Variants in BBOX1 observed in about 807,000 individuals in gnomAD.
The protein encoded by BBOX1 is gamma-butyrobetaine dioxygenase.
Under a neutral mutation model 41.6 loss-of-function variants are expected in BBOX1, and 35 were observed. That is an observed-to-expected ratio of 0.84 (90% confidence interval 0.64 to 1.11). The LOEUF is 1.11. BBOX1 is among the 50% of genes most tolerant of loss of function. The pLI, the probability that BBOX1 is intolerant of heterozygous loss-of-function variation, is 0.00. For missense variants in BBOX1, 458 were observed against 460.6 expected, an observed-to-expected ratio of 0.99 and a Z score of 0.05; for synonymous variants, 163 against 154.7, an observed-to-expected ratio of 1.05 and a Z score of -0.40.
At position 27,090,577 on chromosome 11, in the gene BBOX1, G is replaced by A. The variant is rs142059872; in HGVS notation, c.335-2591G>A. ...GATCACAAGGCAAAGGGCAAAAGCA[G>A]AACTACTGATAAGGGTCTATTTTCA... is the stretch of plus-strand genomic sequence containing the variant. On this transcript the variant is annotated intron_variant, in intron 4 of 8. Transcript: ENST00000263182. 8.3e-3 allele frequency among the ~76,000 whole-genome samples: 1,269 copies of A among 152,026 alleles called. 7 individuals are homozygous for A. The highest frequency in any genetic ancestry group is 0.013 in the Non-Finnish European group (864 of 67,908).
In BBOX1 at chr11:27,061,957, C is replaced by A. The variant is rs533495392; in HGVS notation, c.334+4642C>A. Reference sequence around the variant, plus strand: ...AGGACTTATCAAGTCTGAAAGGGAACAATAGCCATGAGAAAATAAGTATAA... The same window carrying A: ...AGGACTTATCAAGTCTGAAAGGGAAAAATAGCCATGAGAAAATAAGTATAA... On this transcript the variant is annotated intron_variant, in intron 4 of 8. Transcript: ENST00000263182. Among the ~76,000 whole-genome samples, 5 of 152,200 alleles carry A rather than the reference C, an allele frequency of 3.3e-5. No individual in the cohort carries two copies. The East Asian group carries it at 5.8e-4, about 18-fold the overall frequency.
chr11:27,085,730 C>T (rs1596256), intron 4 of BBOX1, among the ~76,000 whole-genome samples: 126,197 of 152,060 alleles, frequency 0.83, 53,238 homozygotes, highest in East Asian at 0.94. Context: ...GAAATTATTA[C>T]GTTTAGTGAG....
At chr11:27,085,061 T>C (rs1306934239) in intron 4 of BBOX1, among the ~76,000 whole-genome samples, 1 of 152,176 alleles carries the variant, frequency 6.6e-6, no homozygotes, top group Non-Finnish European at 1.5e-5. Flanking sequence ...TTTCTTTTGG[T>C]TCCCTGGATA....
chr11:27,077,473 C>G (rs1857671767), intron 4 of BBOX1, among the ~76,000 whole-genome samples: 1 of 152,098 alleles, frequency 6.6e-6, no homozygotes, highest in Admixed American at 6.5e-5. Context: ...CCACTTCTTT[C>G]AAAGGGCCTG....
At chr11:27,065,424 G>C (rs1857252740) in intron 4 of BBOX1, among the ~76,000 whole-genome samples, 1 of 152,010 alleles carries the variant, frequency 6.6e-6, no homozygotes, top group Non-Finnish European at 1.5e-5. Context: ...CACTGCACTT[G>C]GTAAAATCAG....
At chr11:27,078,478 C>T (rs115266929) in intron 4 of BBOX1, among the ~76,000 whole-genome samples, 1 of 152,132 alleles carries the variant, frequency 6.6e-6, no homozygotes, top group African/African-American at 2.4e-5. Context: ...CCTATCCCCC[C>T]ACCATGGAAT....
intron 4 of BBOX1, among the ~76,000 whole-genome samples, chr11:27,062,712 G>C (rs971045772): frequency 6.6e-6 from 1 of 151,862 alleles, no homozygotes; most frequent in Non-Finnish European, 1.5e-5. Flanking sequence ...AAGGACTACC[G>C]GCATCACACC....
At position 27,055,530 on chromosome 11, in the gene BBOX1, T is replaced by C. The variant is rs556658970; in HGVS notation, c.100T>C (p.Leu34=). ...AGAGTCTCTCTACCCAGCTGTATGG[T>C]TGAGAGACAACTGTCCGTGCTCTGA... ...EEESLYPAVW[L]RDNCPCSDCY... Residue 34 remains leucine (L), a synonymous_variant, in exon 3 of 9, where the codon TTG becomes CTG. Coordinates refer to ENST00000263182, the MANE Select transcript of BBOX1 (RefSeq NM_003986.3). 2.2e-4 allele frequency: 352 copies of C among 1,614,146 alleles called. 5 individuals carry two copies. The South Asian group carries it at 3.6e-3, about 17-fold the overall frequency.
chr11:27,119,584 G>A (rs1590228050), intron 6 of BBOX1, 65 bp from the exon 7 acceptor site: 2 of 908,096 alleles, frequency 2.2e-6, no homozygotes, highest in East Asian at 7.3e-5. Flanking sequence ...TTTTATTGAA[G>A]ATTAATTCTA....
intron 5 of BBOX1, among the ~76,000 whole-genome samples, chr11:27,098,734 C>A (rs1858537180): frequency 6.6e-6 from 1 of 151,828 alleles, no homozygotes. Context: ...TTTACATAAG[C>A]TGATCTGTGA....
At position 27,127,439 on chromosome 11, in the gene BBOX1, G is replaced by A; in HGVS notation, c.1150G>A (p.Glu384Lys). Residue 384 changes from glutamate (E) to lysine (K), a missense_variant, in exon 9 of 9, where the codon GAG becomes AAG. By Grantham distance (56) the Glu-to-Lys change is moderately conservative. Transcript: ENST00000263182. Reference protein sequence around the residue: ...SRLRILRQRVENGN With the variant: ...SRLRILRQRVKNGN ...GCTTCGTATCTTAAGGCAGAGGGTG[G>A]AGAATGGAAACTGAAGTCACCTGTA... The A allele has an allele frequency of 6.2e-7, 1 of 1,605,990 alleles. No individual in the cohort carries two copies. Among genetic ancestry groups the A allele is most frequent in the Non-Finnish European group, 8.5e-7 (1 of 1,178,154 alleles).
Position 27,127,399 on chromosome 11 carries a change from T to C in BBOX1, c.1110T>C (p.Asp370=). 1.2e-6 allele frequency: 2 copies of C among 1,614,110 alleles called. No homozygotes were observed. Among genetic ancestry groups the C allele is most frequent in the Non-Finnish European group, 1.7e-6 (2 of 1,179,994 alleles). Residue 370 remains aspartate, a synonymous_variant, in exon 9 of 9, where the codon GAT becomes GAC. Coordinates refer to ENST00000263182, the MANE Select transcript of BBOX1 (RefSeq NM_003986.3). The stretch of plus-strand genomic sequence containing the variant: ...TAGAAGGAGCTTATGCTGACTGGGA[T>C]GTGGTCATGTCAAGGCTTCGTATCT... ...RHLEGAYADW[D]VVMSRLRILR...
chr11:27,057,562 C>A, intron 4 of BBOX1: 1 of 403,646 alleles, frequency 2.5e-6, no homozygotes, highest in Non-Finnish European at 4.4e-6. Flanking sequence ...GTGTCTTTGT[C>A]ATCTAAAGCA....
In BBOX1 at chr11:27,041,674, T is replaced by G. The variant is rs182812654; in HGVS notation, c.-39+196T>G. On this transcript the variant is annotated intron_variant, in intron 2 of 8. Coordinates refer to ENST00000263182, the MANE Select transcript of BBOX1 (RefSeq NM_003986.3). The stretch of plus-strand genomic sequence containing the variant: ...GTGCTGGGGATGGTCCATCAAGCAT[T>G]TAGAATAGGCTTGGTTTTGGAATGC... Among the ~76,000 whole-genome samples, 829 of 152,238 alleles carry G rather than the reference T, an allele frequency of 5.4e-3. 3 individuals carry two copies. Among genetic ancestry groups the G allele is most frequent in the Non-Finnish European group, 8.2e-3 (561 of 68,012 alleles).
chr11:27,078,042 G>A (rs764642497), intron 4 of BBOX1, among the ~76,000 whole-genome samples: 1 of 151,926 alleles, frequency 6.6e-6, no homozygotes, highest in Non-Finnish European at 1.5e-5. Flanking sequence ...CCCCCTCCAC[G>A]AGCATGTGGA....
intron 2 of BBOX1, among the ~76,000 whole-genome samples, chr11:27,048,102 T>C (rs1851544862): frequency 6.6e-6 from 1 of 152,164 alleles, no homozygotes; most frequent in Non-Finnish European, 1.5e-5. Flanking sequence ...TAGTTATCAT[T>C]GTATGTTGGG....
intron 4 of BBOX1, among the ~76,000 whole-genome samples, chr11:27,071,363 C>A (rs1363073149): frequency 1.3e-4 from 20 of 148,322 alleles, no homozygotes; most frequent in Non-Finnish European, 3.0e-4. Flanking sequence ...GCCTGGGCAA[C>A]AGAGCAAGAC....
chr11:27,119,114 C>T (rs1311322338), intron 6 of BBOX1, among the ~76,000 whole-genome samples: 1 of 151,778 alleles, frequency 6.6e-6, no homozygotes, highest in Non-Finnish European at 1.5e-5. Context: ...CAACCTGATT[C>T]ACTCTTTCTA....
chr11:27,080,922 G>T (rs918972632), intron 4 of BBOX1, among the ~76,000 whole-genome samples: 1 of 152,112 alleles, frequency 6.6e-6, no homozygotes, highest in Non-Finnish European at 1.5e-5. Context: ...GCAGGCACAC[G>T]ATGTTAAATT....
Sources: allele counts gnomAD v4.1 joint callset (sites outside exome capture counted in the v4.1 genomes callset), GRCh38; gene constraint gnomAD v4.1.1; transcripts MANE v1.5; gene names NCBI Gene and HGNC (gene_info 2026-07-23, HGNC 2026-07-21).